Variants in FRMD4B observed in about 807,000 individuals in gnomAD.
FRMD4B encodes FERM domain containing 4B, also known as FERM domain-containing protein 4B.
In FRMD4B, 74 loss-of-function variants were observed where a neutral mutation model predicts 141.5. That is an observed-to-expected ratio of 0.52 (90% CI 0.43 to 0.63). The LOEUF (loss-of-function observed/expected upper bound fraction) is 0.63. Ranked by LOEUF, FRMD4B falls within the 30% of genes least tolerant of loss-of-function variation. FRMD4B has a pLI of 0.00. For missense variants in FRMD4B, 1,366 were observed against 1,253.4 expected, an observed-to-expected ratio of 1.09 and a Z score of -1.36; for synonymous variants, 506 against 467.9, an observed-to-expected ratio of 1.08 and a Z score of -1.05.
At chr3:69,244,855 G>A (rs1294445537) in intron 7 of FRMD4B, among the ~76,000 whole-genome samples, 2 of 152,050 alleles carry the variant, frequency 1.3e-5, no homozygotes, top group African/African-American at 4.8e-5. Context: ...ACTCCAGTCT[G>A]GATAACAGAG....
At chr3:69,486,407 A>G (rs1706217148) in intron 1 of FRMD4B, among the ~76,000 whole-genome samples, 1 of 150,340 alleles carries the variant, frequency 6.7e-6, no homozygotes, top group South Asian at 2.1e-4. Context: ...AGTCCATCGT[A>G]TCTTTCTTAT....
At chr3:69,344,989 G>A (rs1247346284) in intron 1 of FRMD4B, among the ~76,000 whole-genome samples, 2 of 149,414 alleles carry the variant, frequency 1.3e-5, no homozygotes, top group African/African-American at 4.9e-5. Flanking sequence ...GACAGTGGGT[G>A]CAGGACAGTG....
chr3:69,334,236 G>A (rs1450387935), intron 1 of FRMD4B: 1 of 152,168 alleles, frequency 6.6e-6, no homozygotes, highest in East Asian at 1.9e-4. Context: ...TTCTTCATTT[G>A]TAAAATGGGG....
chr3:69,291,865 G>GCTTC (rs1219489849), intron 4 of FRMD4B, among the ~76,000 whole-genome samples: 1 of 150,878 alleles, frequency 6.6e-6, no homozygotes, highest in Non-Finnish European at 1.5e-5. Flanking sequence ...TTAATAGAGG[G>GCTTC]CTTCTTCCAT....
At chr3:69,477,659 A>T (rs1706026941) in intron 1 of FRMD4B, among the ~76,000 whole-genome samples, 1 of 151,994 alleles carries the variant, frequency 6.6e-6, no homozygotes, top group African/African-American at 2.4e-5. Context: ...ATTGGTCTAA[A>T]ATTCTCTTTT....
chr3:69,532,033 A>G (rs1237081556), intron 1 of FRMD4B, among the ~76,000 whole-genome samples: 2 of 152,216 alleles, frequency 1.3e-5, no homozygotes, highest in African/African-American at 2.4e-5. Context: ...AATGACCATG[A>G]TATGTCCTCA....
At chr3:69,517,199 A>G (rs529353659) in intron 1 of FRMD4B, among the ~76,000 whole-genome samples, 1 of 152,272 alleles carries the variant, frequency 6.6e-6, no homozygotes, top group East Asian at 1.9e-4. Flanking sequence ...TTGACACCAA[A>G]GTTTATACAC....
intron 7 of FRMD4B, 129 bp downstream of exon 7, chr3:69,249,097 G>A: frequency 3.3e-6 from 2 of 612,040 alleles, no homozygotes; most frequent in Non-Finnish European, 5.8e-6. Flanking sequence ...GAAGAGCGAA[G>A]AGATCTCAGT....
intron 1 of FRMD4B, among the ~76,000 whole-genome samples, chr3:69,525,801 T>C (rs1700924428): frequency 6.6e-6 from 1 of 151,560 alleles, no homozygotes; most frequent in Non-Finnish European, 1.5e-5. Flanking sequence ...TACAGATGTG[T>C]GCCACCATGC....
intron 1 of FRMD4B, among the ~76,000 whole-genome samples, chr3:69,342,465 A>G (rs1205435292): frequency 6.6e-6 from 1 of 152,214 alleles, no homozygotes; most frequent in African/African-American, 2.4e-5. Context: ...CTGAAAAAAG[A>G]TTACCCATTC....
At chr3:69,318,057 G>A (rs904241327) in intron 1 of FRMD4B, among the ~76,000 whole-genome samples, 5 of 152,018 alleles carry the variant, frequency 3.3e-5, no homozygotes, top group Non-Finnish European at 5.9e-5. Context: ...CTGTAGCTTC[G>A]ACCTCCTGGG....
chr3:69,308,764 A>T (rs936192421), intron 3 of FRMD4B, among the ~76,000 whole-genome samples: 1 of 151,966 alleles, frequency 6.6e-6, no homozygotes, highest in Non-Finnish European at 1.5e-5. Context: ...GCAAAAAACA[A>T]ATCACAAAAG....
In FRMD4B at chr3:69,276,747, C is replaced by T. The variant is rs2093619601; in HGVS notation, c.501+11005G>A. 1.3e-5 allele frequency among the ~76,000 whole-genome samples: 2 copies of T among 152,126 alleles called. 1 individual carries two copies. Among genetic ancestry groups the T allele is most frequent in the Admixed American group, 1.3e-4 (2 of 15,268 alleles). ...TGGGGGGCTGAGGTGGGCAGATCAC[C>T]TGAGGTCAGGAGTTCTAGACCAGCC... On this transcript the variant is annotated intron_variant, in intron 5 of 22. Coordinates refer to ENST00000398540, the MANE Select transcript of FRMD4B (RefSeq NM_015123.3).
intron 7 of FRMD4B, among the ~76,000 whole-genome samples, chr3:69,226,688 C>G (rs2093257510): frequency 1.3e-5 from 2 of 152,098 alleles, no homozygotes; most frequent in Admixed American, 1.3e-4. Flanking sequence ...CTCACTAGAT[C>G]AGAAGTTGCT....
chr3:69,172,731 A>T (rs557147096), intron 22 of FRMD4B, among the ~76,000 whole-genome samples: 1 of 152,346 alleles, frequency 6.6e-6, no homozygotes, highest in African/African-American at 2.4e-5. Flanking sequence ...GCATATTTAG[A>T]TGGCAATTCC....
chr3:69,176,485 G>A (rs770558750), intron 22 of FRMD4B, 39 bp downstream of exon 22: 10 of 1,565,282 alleles, frequency 6.4e-6, no homozygotes, highest in South Asian at 1.1e-5. Context: ...CTTTTGAACT[G>A]GAACAGGCTC....
chr3:69,540,150 G>T (rs923255434), intron 1 of FRMD4B, among the ~76,000 whole-genome samples: 1 of 150,258 alleles, frequency 6.7e-6, no homozygotes, highest in Non-Finnish European at 1.5e-5. Context: ...CCGCGATCGC[G>T]CCACTGCACT....
At chr3:69,199,995 T>G (rs1386023561) in intron 11 of FRMD4B, among the ~76,000 whole-genome samples, 1 of 152,150 alleles carries the variant, frequency 6.6e-6, no homozygotes, top group Non-Finnish European at 1.5e-5. Flanking sequence ...AGCAGAGAGT[T>G]TCATTATATT....
chr3:69,453,562 G>A (rs1251632088), intron 1 of FRMD4B, among the ~76,000 whole-genome samples: 3 of 152,194 alleles, frequency 2.0e-5, no homozygotes, highest in Non-Finnish European at 4.4e-5. Context: ...TATCAGAGTT[G>A]TCCTCTAGCC....
Sources: allele counts gnomAD v4.1 joint callset (sites outside exome capture counted in the v4.1 genomes callset), GRCh38; gene constraint gnomAD v4.1.1; transcripts MANE v1.5; gene names NCBI Gene and HGNC (gene_info 2026-07-23, HGNC 2026-07-21).